The following PRDM16 variants were observed in gnomAD, a reference collection of about 807,000 sequenced individuals.
PRDM16 encodes histone-lysine N-methyltransferase PRDM16.
In PRDM16, 23 loss-of-function variants were observed where a neutral mutation model predicts 110.6. The ratio of observed to expected loss-of-function variants is 0.21; its 90% confidence interval spans 0.15 to 0.29. The LOEUF (loss-of-function observed/expected upper bound fraction) is 0.29, where lower values mean the gene tolerates loss of function less well. Ranked by LOEUF, PRDM16 falls within the 10% of genes least tolerant of loss-of-function variation. The pLI is 1.00. For missense variants in PRDM16, 1,615 were observed against 1,794.3 expected, an observed-to-expected ratio of 0.90 and a Z score of 1.81; for synonymous variants, 799 against 781.8, an observed-to-expected ratio of 1.02 and a Z score of -0.37.
chr1:3,077,895 C>T (rs1641935230), intron 1 of PRDM16, among the ~76,000 whole-genome samples: 1 of 152,198 alleles, frequency 6.6e-6, no homozygotes, highest in South Asian at 2.1e-4. Context: ...AGAGCTCAGC[C>T]CTGAAATAAA....
chr1:3,161,038 A>T (rs1163091786), intron 1 of PRDM16, among the ~76,000 whole-genome samples: 2 of 152,104 alleles, frequency 1.3e-5, no homozygotes, highest in Non-Finnish European at 2.9e-5. Context: ...CCCCACCTCC[A>T]CCAAACCCTC....
At chr1:3,151,886 C>G (rs1643781744) in intron 1 of PRDM16, among the ~76,000 whole-genome samples, 1 of 152,232 alleles carries the variant, frequency 6.6e-6, no homozygotes, top group African/African-American at 2.4e-5. Flanking sequence ...CACCTTCCAG[C>G]CAACTGTGGC....
chr1:3,118,802 AGT>A (rs1210660500), intron 1 of PRDM16, among the ~76,000 whole-genome samples: 2 of 152,094 alleles, frequency 1.3e-5, no homozygotes, highest in East Asian at 1.9e-4. Flanking sequence ...TTTGTGTGCA[AGT>A]GTGTGTGCAC....
intron 1 of PRDM16, among the ~76,000 whole-genome samples, chr1:3,173,600 G>A (rs1008049233): frequency 2.0e-5 from 3 of 152,236 alleles, no homozygotes; most frequent in Admixed American, 2.0e-4. Flanking sequence ...ACCCCAGTGG[G>A]ACTTTGTGGT....
Position 3,365,163 on chromosome 1 carries a change from C to T in PRDM16, c.439-19989C>T, listed in dbSNP as rs565398911. On this transcript the variant is annotated intron_variant, in intron 3 of 16. Coordinates refer to ENST00000270722, the MANE Select transcript of PRDM16 (RefSeq NM_022114.4). ...GGAAAGTGGGAGTCGGGTCGCATGG[C>T]CCCCCGCCTGGAGCTTGGCAGTGCC... Among the ~76,000 whole-genome samples the T allele has an allele frequency of 9.2e-5, 14 of 152,270 alleles. No homozygotes were observed. In the East Asian group the frequency reaches 2.7e-3, roughly 30 times the overall value.
intron 4 of PRDM16, among the ~76,000 whole-genome samples, chr1:3,386,152 C>A (rs2483215): frequency 6.7e-6 from 1 of 149,794 alleles, no homozygotes; most frequent in Non-Finnish European, 1.5e-5. Flanking sequence ...TCGGGGTGCC[C>A]GGGGTGCCCG....
At chr1:3,135,098 C>T (rs955629985) in intron 1 of PRDM16, among the ~76,000 whole-genome samples, 2 of 152,224 alleles carry the variant, frequency 1.3e-5, no homozygotes, top group African/African-American at 2.4e-5. Context: ...GCACTTTCCT[C>T]GGGAGCTCGC....
intron 8 of PRDM16, among the ~76,000 whole-genome samples, chr1:3,409,916 TGTG>T (rs1159100383): frequency 1.6e-5 from 1 of 63,516 alleles, no homozygotes; most frequent in Non-Finnish European, 2.8e-5. Flanking sequence ...GTGGGTGTGG[TGTG>T]TGTGTATGTG....
intron 1 of PRDM16, among the ~76,000 whole-genome samples, chr1:3,181,717 C>CAGTCTTACACACGG (rs1644201348): frequency 8.0e-6 from 1 of 124,382 alleles, no homozygotes. Context: ...CTTACACACG[C>CAGTCTTACACACGG]AGTCTTACAC....
chr1:3,327,870 C>T (rs1431112192), intron 3 of PRDM16, among the ~76,000 whole-genome samples: 1 of 152,228 alleles, frequency 6.6e-6, no homozygotes, highest in African/African-American at 2.4e-5. Flanking sequence ...AAGCCAAGGC[C>T]ACTGTTACCC....
chr1:3,182,426 G>A (rs1644222257), intron 1 of PRDM16, among the ~76,000 whole-genome samples: 2 of 152,226 alleles, frequency 1.3e-5, no homozygotes, highest in African/African-American at 4.8e-5. Flanking sequence ...GTCCTGATCT[G>A]TGGCCTCTTC....
At chr1:3,421,071 C>T (rs1310464502) in intron 12 of PRDM16, among the ~76,000 whole-genome samples, 6 of 152,210 alleles carry the variant, frequency 3.9e-5, no homozygotes, top group Non-Finnish European at 8.8e-5. Flanking sequence ...GTGCTTCCAT[C>T]GGGGGCTGCA....
chr1:3,097,680 T>C (rs2142573), intron 1 of PRDM16, among the ~76,000 whole-genome samples: 10,531 of 152,226 alleles, frequency 0.069, 393 homozygotes, highest in Non-Finnish European at 0.072. Context: ...TCAGCAGCTG[T>C]TCTTCCTACC....
chr1:3,407,424 C>T (rs960700255), intron 8 of PRDM16, among the ~76,000 whole-genome samples: 2 of 152,228 alleles, frequency 1.3e-5, no homozygotes, highest in Non-Finnish European at 2.9e-5. Context: ...CCAGGAGGAG[C>T]ATGTGTGCAG....
chr1:3,172,016 G>A (rs771300411), intron 1 of PRDM16, among the ~76,000 whole-genome samples: 3 of 152,214 alleles, frequency 2.0e-5, no homozygotes, highest in Non-Finnish European at 4.4e-5. Context: ...CCCAGCGGGA[G>A]GCTGTGAGGT....
chr1:3,230,767 C>A (rs11806139), intron 2 of PRDM16, among the ~76,000 whole-genome samples: 6,302 of 152,324 alleles, frequency 0.041, 370 homozygotes, highest in African/African-American at 0.13. Context: ...GGTGCCTGCG[C>A]ACCTTCCTTC....
chr1:3,140,982 C>G (rs1436738457), intron 1 of PRDM16, among the ~76,000 whole-genome samples: 7 of 152,160 alleles, frequency 4.6e-5, no homozygotes, highest in South Asian at 2.1e-4. Flanking sequence ...GCATGGAAAC[C>G]CAGAGCCAGA....
In PRDM16 at chr1:3,417,885, G is replaced by A; in HGVS notation, c.2749G>A (p.Asp917Asn). 2 of 1,613,758 alleles carry A rather than the reference G, an allele frequency of 1.2e-6. No individual in the cohort carries two copies. The highest frequency in any genetic ancestry group is 1.7e-6 in the Non-Finnish European group (2 of 1,179,912). ...GGAGAGCTTTGCAGCCATGAAGGCGGACTCGGGCAGCTCCCTGCAGCCCCT... is the reference window on the plus strand; with the variant it reads ...GGAGAGCTTTGCAGCCATGAAGGCGAACTCGGGCAGCTCCCTGCAGCCCCT... ...KLESFAAMKA[D>N]SGSSLQPLPH... Residue 917 changes from aspartate (D) to asparagine (N), a missense_variant, in exon 11 of 17, where the codon GAC becomes AAC. Around this residue, in one of 5 missense-constraint regions of PRDM16, gnomAD observed 772 missense variants for 748.3 expected, o/e 1.03. Transcript: ENST00000270722.
rs1347780719 is a variant in PRDM16, at chr1:3,350,897, C to T, written c.439-34255C>T. 6.6e-6 allele frequency among the ~76,000 whole-genome samples: 1 copy of T among 152,202 alleles called. No homozygotes were observed. Among genetic ancestry groups the T allele is most frequent in the Non-Finnish European group, 1.5e-5 (1 of 68,036 alleles). On this transcript the variant is annotated intron_variant, in intron 3 of 16. Transcript: ENST00000270722. The surrounding 1 kb of genome is among the most constrained non-coding windows in gnomAD (Gnocchi z 7.1). ...TACACCCCCCAGTCCTTGCAGAGCC[C>T]ACTCTGAAGGGGACTTGGGGATTCA...
Sources: allele counts gnomAD v4.1 joint callset (sites outside exome capture counted in the v4.1 genomes callset), GRCh38; gene constraint gnomAD v4.1.1; regional missense constraint gnomAD v4.1.1; non-coding constraint Gnocchi (gnomAD v3.1); transcripts MANE v1.5; gene names NCBI Gene and HGNC (gene_info 2026-07-23, HGNC 2026-07-21).